Variants in ATAD3A observed in about 807,000 individuals in gnomAD.
The protein encoded by ATAD3A is ATPase family AAA domain-containing protein 3A.
Under a neutral mutation model 73.8 loss-of-function variants are expected in ATAD3A, and 46 were observed. The ratio of observed to expected loss-of-function variants is 0.62; its 90% confidence interval spans 0.49 to 0.80. The LOEUF is 0.80. Among genes scored for constraint, ATAD3A ranks in the 30% least tolerant of loss-of-function variants. ATAD3A has a pLI of 0.00. For missense variants in ATAD3A, 705 were observed against 838.0 expected, an observed-to-expected ratio of 0.84 and a Z score of 1.96; for synonymous variants, 319 against 350.0, an observed-to-expected ratio of 0.91 and a Z score of 0.99.
chr1:1,530,518 C>G (rs1300209876), intron 15 of ATAD3A, among the ~76,000 whole-genome samples: 1 of 149,894 alleles, frequency 6.7e-6, no homozygotes, highest in South Asian at 2.1e-4. Context: ...GATTACAGAG[C>G]AAGACCCTGT....
chr1:1,516,008 G>A lies in ATAD3A; in HGVS notation c.206-4G>A. On this transcript the variant is annotated splice_polypyrimidine_tract_variant and splice_region_variant and intron_variant, in intron 1 of 15. Transcript: ENST00000378756. ...ACCTGCCCTCCGTGTCCTTGCGTCT[G>A]CAGGTTATGCCAAGGACGCCCTGAA... 1 of 1,614,038 alleles carries A rather than the reference G, an allele frequency of 6.2e-7. No homozygotes were observed. Among genetic ancestry groups the A allele is most frequent in the Non-Finnish European group, 8.5e-7 (1 of 1,179,934 alleles).
At chr1:1,512,613 G>C (rs1641237762) in intron 1 of ATAD3A, 140 bp downstream of exon 1, 1 of 1,409,292 alleles carries the variant, frequency 7.1e-7, no homozygotes, top group African/African-American at 1.5e-5. Context: ...CCCCCGGCCG[G>C]AGCCGTGTCG....
In ATAD3A at chr1:1,534,045, G is replaced by A. The variant is rs763709740; in HGVS notation, c.1734G>A (p.Gly578=). The A allele has an allele frequency of 6.2e-7, 1 of 1,613,664 alleles. No individual in the cohort carries two copies. Among genetic ancestry groups the A allele is most frequent in the Non-Finnish European group, 8.5e-7 (1 of 1,179,926 alleles). ...GCTGGCTGAAGGCGGAAGGGCCTGGGCGTGGGGACGAGCCCTCCCCATCCT... is the reference window on the plus strand; with the variant it reads ...GCTGGCTGAAGGCGGAAGGGCCTGGACGTGGGGACGAGCCCTCCCCATCCT... ...KMCWLKAEGP[G]RGDEPSPS The change falls in exon 16 of 16, where the codon GGG becomes GGA. Residue 578 remains glycine, a synonymous_variant. Coordinates refer to ENST00000378756, the MANE Select transcript of ATAD3A (RefSeq NM_001170535.3).
At position 1,520,006 on chromosome 1, in the gene ATAD3A, C is replaced by T. The variant is rs996587668; in HGVS notation, c.515-135C>T. On this transcript the variant is annotated intron_variant, in intron 5 of 15. Transcript: ENST00000378756. The surrounding 1 kb of genome is among the most constrained non-coding windows in gnomAD (Gnocchi z 4.0). ...GGCCTGTCCATGGCGTGGGCCGGTC[C>T]GTGGCATGGGCCTGTCTGTGGCGTT... The T allele has an allele frequency of 1.1e-4, 162 of 1,439,620 alleles. No individual in the cohort carries two copies. The highest frequency in any genetic ancestry group is 1.0e-4 in the Non-Finnish European group (109 of 1,075,682). 89.2% of individuals were successfully genotyped at this position (1,439,620 alleles called of 1,614,324 possible).
chr1:1,527,757 T>C lies in ATAD3A; in HGVS notation c.1400T>C (p.Ile467Thr). ...EQFDWAINDR[I>T]NEMVHFDLPG... ...TTCGACTGGGCCATCAATGACCGCA[T>C]CAATGAGATGGTCCACTTCGACCTG... The change falls in exon 14 of 16, where the codon ATC (isoleucine) becomes ACC (threonine). Residue 467 changes from isoleucine to threonine, a missense_variant. Transcript: ENST00000378756. The C allele has an allele frequency of 6.2e-7, 1 of 1,613,930 alleles. No individual in the cohort carries two copies. Among genetic ancestry groups the C allele is most frequent in the Non-Finnish European group, 8.5e-7 (1 of 1,179,934 alleles).
chr1:1,521,973 G>A (rs747139902), intron 7 of ATAD3A, among the ~76,000 whole-genome samples: 6 of 152,190 alleles, frequency 3.9e-5, no homozygotes, highest in Non-Finnish European at 7.3e-5. Context: ...AAGTGATCCA[G>A]CCGTCTTGGC....
At position 1,523,179 on chromosome 1, in the gene ATAD3A, G is replaced by A. The variant is rs527689792; in HGVS notation, c.906+280G>A. Among the ~76,000 whole-genome samples, 50 of 152,094 alleles carry A rather than the reference G, an allele frequency of 3.3e-4. No individual in the cohort carries two copies. The highest frequency in any genetic ancestry group is 1.1e-3 in the African/African-American group (44 of 41,430). Reference sequence around the variant, plus strand: ...TGCAAGACCCGGGACTTGGGTGTGCGGCCGTCTATCAGGGAAGCTGCTACA... The same window carrying A: ...TGCAAGACCCGGGACTTGGGTGTGCAGCCGTCTATCAGGGAAGCTGCTACA... On this transcript the variant is annotated intron_variant, in intron 8 of 15. Transcript: ENST00000378756. This position sits in a 1 kb window ranked among gnomAD's most constrained non-coding sequence, Gnocchi z 5.1.
chr1:1,529,241 G>C lies in ATAD3A; in HGVS notation c.1524G>C (p.Gln508His). 6.2e-7 allele frequency: 1 copy of C among 1,609,082 alleles called. No homozygotes were observed. The highest frequency in any genetic ancestry group is 8.5e-7 in the Non-Finnish European group (1 of 1,178,512). The part of the protein sequence containing the change: ...TEGKQRLKLA[Q>H]FDYGRKCSEV... ...TCCCCAGGCGCCTGAAGCTGGCCCA[G>C]TTTGACTACGGGAGGAAGTGCTCGG... Residue 508 changes from glutamine (Q) to histidine (H), a missense_variant, in exon 15 of 16, where the codon CAG (glutamine) becomes CAC (histidine). Gln to His is a conservative substitution (Grantham distance 24, BLOSUM62 0). Coordinates refer to ENST00000378756, the MANE Select transcript of ATAD3A (RefSeq NM_001170535.3).
At chr1:1,522,501 GATTT>G (rs1641634429) in intron 7 of ATAD3A, among the ~76,000 whole-genome samples, 1 of 152,236 alleles carries the variant, frequency 6.6e-6, no homozygotes, top group African/African-American at 2.4e-5. Flanking sequence ...GGCTTTCTAG[GATTT>G]ATGCTGCCAG....
At chr1:1,521,058 C>A (rs1641574784) in intron 7 of ATAD3A, among the ~76,000 whole-genome samples, 1 of 151,924 alleles carries the variant, frequency 6.6e-6, no homozygotes, top group Non-Finnish European at 1.5e-5. Flanking sequence ...CTTTGGGAGG[C>A]AGAGGCAGAG....
chr1:1,512,948 C>T (rs1239269633), intron 1 of ATAD3A, among the ~76,000 whole-genome samples: 8 of 152,194 alleles, frequency 5.3e-5, no homozygotes, highest in South Asian at 4.1e-4. Flanking sequence ...TGTTGGAAGA[C>T]GTTAGCATTT....
Position 1,534,336 on chromosome 1 carries a change from AG to A in ATAD3A, c.*269del. The A allele has an allele frequency of 4.3e-6, 6 of 1,409,438 alleles. No individual in the cohort carries two copies. The highest frequency in any genetic ancestry group is 5.5e-6 in the Non-Finnish European group (6 of 1,085,102). The allele number at this position is 1,409,438 out of a possible 1,614,324, so 87.3% of individuals were successfully genotyped here. A position where few individuals can be genotyped will look rare whatever the true frequency, so the allele number is the denominator to read the frequency against. On this transcript the variant is annotated 3_prime_UTR_variant, in exon 16 of 16. Transcript: ENST00000378756. The stretch of plus-strand genomic sequence containing the variant: ...GAGATGCATTTTCCGTCTGGCTCAC[AG>A]GGGGAGGGTGAGGCTTTGCACCCCA...
At chr1:1,518,619 A>ACCCCC (rs200128053) in intron 4 of ATAD3A, among the ~76,000 whole-genome samples, 15 of 50,576 alleles carry the variant, frequency 3.0e-4, no homozygotes, top group South Asian at 2.7e-3. Context: ...ACGGGCGTAC[A>ACCCCC]CACCCCCCCC....
At position 1,523,769 on chromosome 1, in the gene ATAD3A, C is replaced by T. The variant is rs906043802; in HGVS notation, c.964-70C>T. 1.9e-6 allele frequency: 3 copies of T among 1,607,862 alleles called. No individual in the cohort carries two copies. Among genetic ancestry groups the T allele is most frequent in the Admixed American group, 3.4e-5 (2 of 59,408 alleles). On this transcript the variant is annotated intron_variant, in intron 9 of 15. Transcript: ENST00000378756. This position sits in a 1 kb window ranked among gnomAD's most constrained non-coding sequence, Gnocchi z 5.1. ...GAGCCGAGTCTGCACCCAGGCATTC[C>T]CGCAGCCCCTTCCCCTGAGGCTTCC... is the stretch of plus-strand genomic sequence containing the variant.
chr1:1,512,891 A>G (rs868424136), intron 1 of ATAD3A, among the ~76,000 whole-genome samples: 2 of 152,192 alleles, frequency 1.3e-5, no homozygotes, highest in South Asian at 2.1e-4. Context: ...AGGGAAGCGT[A>G]TTTGAGAGTT....
intron 13 of ATAD3A, 130 bp downstream of exon 13, chr1:1,526,661 C>T: frequency 2.6e-6 from 4 of 1,537,194 alleles, no homozygotes; most frequent in Non-Finnish European, 3.5e-6. Context: ...ACATGCCCAC[C>T]TCGGATGTCC....
intron 4 of ATAD3A, 80 bp from the exon 5 acceptor site, chr1:1,518,841 C>T (rs552132238): frequency 3.4e-5 from 55 of 1,609,578 alleles, no homozygotes; most frequent in African/African-American, 6.7e-5. Flanking sequence ...CCTGCACACT[C>T]GGGCACAGTC....
At chr1:1,525,414 T>A in intron 12 of ATAD3A, 123 bp downstream of exon 12, 3 of 163,010 alleles carry the variant, frequency 1.8e-5, no homozygotes, top group Non-Finnish European at 3.0e-5. Context: ...GAAAAACAGC[T>A]TTTTTTTTTT....
rs1641338425 is a variant in ATAD3A, at chr1:1,515,897, G to A, written c.206-115G>A. The stretch of plus-strand genomic sequence containing the variant: ...GGAGGATGGGGAGGCAGGGCTGGGG[G>A]CTTTGAGGTCGAGGCGTGGCCGTGG... On this transcript the variant is annotated intron_variant, in intron 1 of 15. Coordinates refer to ENST00000378756, the MANE Select transcript of ATAD3A (RefSeq NM_001170535.3). 7 of 1,148,942 alleles carry A rather than the reference G, an allele frequency of 6.1e-6. No individual in the cohort carries two copies. In the East Asian group the frequency reaches 1.8e-4, roughly 30 times the overall value. The allele number at this position is 1,148,942 out of a possible 1,614,324, so 71.2% of individuals were successfully genotyped here.
Sources: allele counts gnomAD v4.1 joint callset (sites outside exome capture counted in the v4.1 genomes callset), GRCh38; gene constraint gnomAD v4.1.1; non-coding constraint Gnocchi (gnomAD v3.1); transcripts MANE v1.5; gene names NCBI Gene and HGNC (gene_info 2026-07-23, HGNC 2026-07-21).